Variants in GTPBP3 observed in about 807,000 individuals in gnomAD.
The protein encoded by GTPBP3 is GTP binding protein 3, mitochondrial.
In GTPBP3, 35 loss-of-function variants were observed where a neutral mutation model predicts 42.0. The ratio of observed to expected loss-of-function variants is 0.83; its 90% CI spans 0.64 to 1.10. The LOEUF (loss-of-function observed/expected upper bound fraction) is 1.10. GTPBP3 is among the 50% of genes least tolerant of loss of function. GTPBP3 has a pLI of 0.00. For missense variants in GTPBP3, 691 were observed against 685.2 expected (o/e 1.01, Z -0.09); for synonymous variants, 332 against 314.9 (o/e 1.05, Z -0.58).
chr19:17,340,656 C>G (rs2074420218), intron 7 of GTPBP3, among the ~76,000 whole-genome samples: 1 of 151,746 alleles, frequency 6.6e-6, no homozygotes, highest in Admixed American at 6.6e-5. Context: ...TGTGCCCTGT[C>G]CCTCTTGCTC....
At position 17,340,184 on chromosome 19, in the gene GTPBP3, A is replaced by G. The variant is rs2145704445; in HGVS notation, c.974+585A>G. ...CGAGTAGCTGGGATTAGAGGCGCCC[A>G]CCACAATGCCAGGCTAATTTTTTGT... On this transcript the variant is annotated intron_variant, in intron 7 of 8. Coordinates refer to ENST00000324894, the MANE Select transcript of GTPBP3 (RefSeq NM_032620.4). Among the ~76,000 whole-genome samples the G allele has an allele frequency of 1.3e-5, 2 of 151,792 alleles. 1 individual carries two copies. The highest frequency in any genetic ancestry group is 4.2e-4 in the South Asian group (2 of 4,812).
rs1395195610 is a variant in GTPBP3 at position 17,341,521 on chromosome 19, A to G, written c.1297A>G (p.Arg433Gly). 1.2e-6 allele frequency: 2 copies of G among 1,613,462 alleles called. No individual in the cohort carries two copies. Among genetic ancestry groups the G allele is most frequent in the Non-Finnish European group, 1.7e-6 (2 of 1,179,854 alleles). ...AGATCCCCCGCTGCTGACCCGAGCAAGGCACCAGCACCACCTCCAGGGTTG... is the reference window on the plus strand; with the variant it reads ...AGATCCCCCGCTGCTGACCCGAGCAGGGCACCAGCACCACCTCCAGGGTTG... ...STDPPLLTRA[R>G]HQHHLQGCLD... The change falls in exon 9 of 9, where the codon AGG (arginine) becomes GGG (glycine). Residue 433 changes from arginine (R) to glycine (G), a missense_variant. Physicochemically the swap from Arg to Gly is moderately radical, Grantham distance 125. Transcript: ENST00000324894.
chr19:17,338,107 C>T lies in GTPBP3; in HGVS notation c.153C>T (p.Ile51=), dbSNP rs922167612. 1.1e-5 allele frequency: 17 copies of T among 1,593,666 alleles called. No homozygotes were observed. The highest frequency in any genetic ancestry group is 1.3e-5 in the Non-Finnish European group (15 of 1,177,644). Residue 51 remains isoleucine, a synonymous_variant, in exon 2 of 9, where the codon ATC becomes ATT. Transcript: ENST00000324894. ...SGQGRCGIAV[I]RTSGPASGHA... ...AAGGCCGCTGCGGCATCGCAGTGATCCGGACCAGCGGCCCCGCCAGCGGCC... is the reference window on the plus strand; with the variant it reads ...AAGGCCGCTGCGGCATCGCAGTGATTCGGACCAGCGGCCCCGCCAGCGGCC...
chr19:17,339,079 G>GCTCCC, intron 5 of GTPBP3, 44 bp from the exon 6 acceptor site: 1 of 1,614,128 alleles, frequency 6.2e-7, no homozygotes, highest in Non-Finnish European at 8.5e-7. Context: ...GCCCTCAAAG[G>GCTCCC]CTCCCCTCAC....
rs1190192736 is a variant in GTPBP3 at position 17,341,298 on chromosome 19, C to T, written c.1229C>T (p.Ala410Val). Residue 410 changes from alanine (A) to valine (V), a missense_variant, in exon 8 of 9, where the codon GCG becomes GTG. Physicochemically the swap from Ala to Val is moderately conservative, Grantham distance 64 (BLOSUM62 0). Coordinates refer to ENST00000324894, the MANE Select transcript of GTPBP3 (RefSeq NM_032620.4). ...GAGGGGCTGGACGGCCTCCTGGAGG[C>T]GCTGAGGAAGGAGCTAGCTGCAGTG... ...TGEGLDGLLE[A>V]LRKELAAVCG... 5.0e-6 allele frequency: 8 copies of T among 1,603,340 alleles called. No homozygotes were observed. The highest frequency in any genetic ancestry group is 2.2e-5 in the South Asian group (2 of 90,858).
rs777934121 is a variant in GTPBP3, at chr19:17,339,234, A to G, written c.776A>G (p.Asn259Ser). The G allele has an allele frequency of 3.7e-5, 59 of 1,610,880 alleles. No homozygotes were observed. The highest frequency in any genetic ancestry group is 1.1e-4 in the East Asian group (5 of 44,860). Residue 259 changes from asparagine to serine, a missense_variant, in exon 6 of 9, where the codon AAT (asparagine) becomes AGT (serine). Transcript: ENST00000324894. The part of the protein sequence containing the change: ...GVHVVVTGPP[N>S]AGKSSLVNLL... ...CACGTAGTGGTCACTGGACCCCCCAATGCGGGCAAGAGCAGCCTAGTGAAC... is the reference window on the plus strand; with the variant it reads ...CACGTAGTGGTCACTGGACCCCCCAGTGCGGGCAAGAGCAGCCTAGTGAAC...
chr19:17,338,777 A>AC (rs1440741105), intron 4 of GTPBP3, 36 bp downstream of exon 4: 6 of 1,579,650 alleles, frequency 3.8e-6, no homozygotes, highest in Non-Finnish European at 5.2e-6. Flanking sequence ...TCCCTCAGAG[A>AC]CCCCATCTGT....
chr19:17,337,588 A>AG lies in GTPBP3; in HGVS notation c.-22dup, dbSNP rs2074378659. The AG allele has an allele frequency of 1.5e-6, 2 of 1,313,828 alleles. No homozygotes were observed. The highest frequency in any genetic ancestry group is 5.2e-5 in the South Asian group (2 of 38,644). The allele number at this position is 1,313,828 out of a possible 1,614,324, so 81.4% of individuals were successfully genotyped here. A position where few individuals can be genotyped will look rare whatever the true frequency, so the allele number is the denominator to read the frequency against. On this transcript the variant is annotated 5_prime_UTR_variant, in exon 1 of 9. Coordinates refer to ENST00000324894, the MANE Select transcript of GTPBP3 (RefSeq NM_032620.4). Reference sequence around the variant, plus strand: ...TTGAAGCCACACAGGCAGGTCGGGCAGGCGGGTCGCAGGTTGTAAATCCAT... The same window carrying AG: ...TTGAAGCCACACAGGCAGGTCGGGCAGGGCGGGTCGCAGGTTGTAAATCCAT...
upstream of GTPBP3, chr19:17,335,079 C>T: frequency 6.5e-7 from 1 of 1,536,066 alleles, no homozygotes. Flanking sequence ...TCCCCATCTG[C>T]AAACTCCGGA....
Position 17,337,629 on chromosome 19 carries a change from G to T in GTPBP3, c.18G>T (p.Trp6Cys). The T allele has an allele frequency of 7.5e-7, 1 of 1,338,176 alleles. No individual in the cohort carries two copies. The highest frequency in any genetic ancestry group is 9.6e-7 in the Non-Finnish European group (1 of 1,039,976). The allele number at this position is 1,338,176 out of a possible 1,614,324, so 82.9% of individuals were successfully genotyped here. A position where few individuals can be genotyped will look rare whatever the true frequency, so the allele number is the denominator to read the frequency against. MWRGLWTLAAQAARGP... is the reference protein window; with the variant it reads MWRGLCTLAAQAARGP... The stretch of plus-strand genomic sequence containing the variant: ...GTAAATCCATGTGGCGGGGGCTTTG[G>T]ACCCTGGCGGCCCAAGCGGCACGTG... The change falls in exon 1 of 9, where the codon TGG (tryptophan) becomes TGT (cysteine). Residue 6 changes from tryptophan (W) to cysteine (C), a missense_variant. Coordinates refer to ENST00000324894, the MANE Select transcript of GTPBP3 (RefSeq NM_032620.4).
rs774659468 is a variant in GTPBP3 at position 17,338,934 on chromosome 19, T to C, written c.592-20T>C. ...GGTTTCTGGGTGCACACACCACCTC[T>C]GCTCTCCCTGCCCCGCCAGGCTCTG... On this transcript the variant is annotated intron_variant, in intron 4 of 8. Transcript: ENST00000324894. 2 of 1,578,904 alleles carry C rather than the reference T, an allele frequency of 1.3e-6. No homozygotes were observed. The highest frequency in any genetic ancestry group is 1.7e-5 in the Admixed American group (1 of 58,152).
rs1404568530 is a variant in GTPBP3, at chr19:17,339,256, G to A, written c.798G>A (p.Val266=). 3.1e-6 allele frequency: 5 copies of A among 1,605,630 alleles called. No homozygotes were observed. Among genetic ancestry groups the A allele is most frequent in the Non-Finnish European group, 4.2e-6 (5 of 1,176,572 alleles). The change falls in exon 6 of 9, where the codon GTG becomes GTA. Residue 266 remains valine (V), a synonymous_variant. Transcript: ENST00000324894. ...CCAATGCGGGCAAGAGCAGCCTAGT[G>A]AACCTGCTCAGTGAGTAGGCGGCGG... ...GPPNAGKSSL[V]NLLSRKPVSI... is the part of the protein sequence containing the mutation.
rs746478858 is a variant in GTPBP3 at position 17,341,236 on chromosome 19, C to T, written c.1167C>T (p.Asp389=). The change falls in exon 8 of 9, where the codon GAC becomes GAT. Residue 389 remains aspartate, a synonymous_variant. Coordinates refer to ENST00000324894, the MANE Select transcript of GTPBP3 (RefSeq NM_032620.4). ...CGGAGGGCCCAGGTCCCGGTCCTGACCTGCCCCCGCACCTGCTGCTGTCCT... is the reference window on the plus strand; with the variant it reads ...CGGAGGGCCCAGGTCCCGGTCCTGATCTGCCCCCGCACCTGCTGCTGTCCT... The part of the protein sequence containing the change: ...LSPEGPGPGP[D]LPPHLLLSCL... 13 of 1,607,366 alleles carry T rather than the reference C, an allele frequency of 8.1e-6. No homozygotes were observed.
chr19:17,335,931 C>G (rs1359679820), upstream of GTPBP3, among the ~76,000 whole-genome samples: 1 of 151,014 alleles, frequency 6.6e-6, no homozygotes, highest in Non-Finnish European at 1.5e-5. Context: ...TCCTATTTTA[C>G]AACTTAAAAT....
At chr19:17,340,976 T>C in intron 7 of GTPBP3, 68 bp from the exon 8 acceptor site, 4 of 1,549,938 alleles carry the variant, frequency 2.6e-6, no homozygotes, top group Non-Finnish European at 3.5e-6. Flanking sequence ...CCCCTCTAAC[T>C]GTCCCTCCAC....
upstream of GTPBP3, chr19:17,336,588 A>T (rs2074370357): frequency 6.6e-6 from 1 of 152,214 alleles, no homozygotes; most frequent in African/African-American, 2.4e-5. Flanking sequence ...ATTCTGTCAG[A>T]CAGATTTTTC....
intron 1 of GTPBP3, 104 bp from the exon 2 acceptor site, chr19:17,337,903 AG>A (rs1269247149): frequency 2.2e-6 from 3 of 1,364,796 alleles, no homozygotes; most frequent in Non-Finnish European, 2.0e-6. Context: ...CCCCAGCCGC[AG>A]AACCCCCCCA....
At chr19:17,339,091 GTCTC>G (rs1381140755) in intron 5 of GTPBP3, 28 bp from the exon 6 acceptor site, 1 of 1,614,122 alleles carries the variant, frequency 6.2e-7, no homozygotes, top group South Asian at 1.1e-5. Context: ...TCCCCTCACT[GTCTC>G]TCTCTGCCTG....
rs774877092 is a variant in GTPBP3 at position 17,339,468 on chromosome 19, A to G, written c.843A>G (p.Pro281=). ...RKPVSIVSPE[P]GTTRDVLETP... ...CTGTGTCCATCGTGTCCCCGGAGCC[A>G]GGGACCACCCGTGACGTGCTGGAGA... The change falls in exon 7 of 9, where the codon CCA becomes CCG. Residue 281 remains proline (P), a synonymous_variant. Transcript: ENST00000324894. 1.9e-6 allele frequency: 3 copies of G among 1,613,786 alleles called. No homozygotes were observed. The highest frequency in any genetic ancestry group is 1.3e-5 in the African/African-American group (1 of 74,904).
Sources: allele counts gnomAD v4.1 joint callset (sites outside exome capture counted in the v4.1 genomes callset), GRCh38; gene constraint gnomAD v4.1.1; transcripts MANE v1.5; gene names NCBI Gene and HGNC (gene_info 2026-07-23, HGNC 2026-07-21).